Variants in FAM20B observed in about 807,000 individuals in gnomAD.
FAM20B encodes FAM20B glycosaminoglycan xylosylkinase, also known as glycosaminoglycan xylosylkinase.
Under a neutral mutation model 43.8 loss-of-function variants are expected in FAM20B, and 23 were observed. That is an observed-to-expected ratio of 0.53 (90% CI 0.38 to 0.74). The LOEUF (loss-of-function observed/expected upper bound fraction) is 0.74, where lower values mean the gene tolerates loss of function less well. Among genes scored for constraint, FAM20B ranks in the 30% least tolerant of loss-of-function variants. The pLI, the probability that FAM20B is intolerant of heterozygous loss-of-function variation, is 0.00. For missense variants in FAM20B, 440 were observed against 510.5 expected, an observed-to-expected ratio of 0.86 and a Z score of 1.33; for synonymous variants, 178 against 192.4, an observed-to-expected ratio of 0.93 and a Z score of 0.62.
chr1:179,061,807 C>T (rs7517000), intron 4 of FAM20B, among the ~76,000 whole-genome samples: 70,887 of 151,914 alleles, frequency 0.47, 16,962 homozygotes, highest in African/African-American at 0.55. Context: ...CATTCATGTG[C>T]TTATTTATAT....
chr1:179,062,909 T>C (rs926134739), intron 4 of FAM20B, among the ~76,000 whole-genome samples: 1 of 152,146 alleles, frequency 6.6e-6, no homozygotes, highest in South Asian at 2.1e-4. Context: ...ATGACCTCTT[T>C]TGCCCTCCCC....
intron 2 of FAM20B, among the ~76,000 whole-genome samples, chr1:179,046,555 G>A (rs373075994): frequency 2.3e-4 from 35 of 152,270 alleles, no homozygotes; most frequent in African/African-American, 7.5e-4. Context: ...AGGAGTCTGA[G>A]GCAGGAGAAT....
At chr1:179,021,135 G>A (rs1297124580), upstream of FAM20B, among the ~76,000 whole-genome samples, 2 of 152,186 alleles carry the variant, frequency 1.3e-5, no homozygotes, top group Admixed American at 1.3e-4. Context: ...CCCTCGGCCA[G>A]CCATGAGAAA....
Position 179,050,375 on chromosome 1 carries a change from A to T in FAM20B, c.464+10A>T. On this transcript the variant is annotated intron_variant, in intron 3 of 7. Coordinates refer to ENST00000263733, the MANE Select transcript of FAM20B (RefSeq NM_014864.4). ...CCTTTCACTTGGACAGGTGCGTATG[A>T]TCACAGCAGCTTATGTTCATTTTGT... is the stretch of plus-strand genomic sequence containing the variant. 1.2e-6 allele frequency: 2 copies of T among 1,604,376 alleles called. No homozygotes were observed. The highest frequency in any genetic ancestry group is 1.7e-6 in the Non-Finnish European group (2 of 1,171,152).
At chr1:179,039,562 T>C (rs1650392880) in intron 1 of FAM20B, among the ~76,000 whole-genome samples, 1 of 152,128 alleles carries the variant, frequency 6.6e-6, no homozygotes, top group East Asian at 1.9e-4. Flanking sequence ...TTATCCATGG[T>C]TTGCAGGTAT....
In FAM20B at chr1:179,055,668, A is replaced by C. The variant is rs189946494; in HGVS notation, c.574+1030A>C. ...TTGAGGGAAAGAGTCCAAGAAGAAGAAGCCAGGGTACCTGCTCTTCAAAGG... is the reference window on the plus strand; with the variant it reads ...TTGAGGGAAAGAGTCCAAGAAGAAGCAGCCAGGGTACCTGCTCTTCAAAGG... On this transcript the variant is annotated intron_variant, in intron 4 of 7. Transcript: ENST00000263733. Among the ~76,000 whole-genome samples the C allele has an allele frequency of 3.7e-4, 57 of 152,198 alleles. No individual in the cohort carries two copies. In the South Asian group the frequency reaches 4.4e-3, roughly 12 times the overall value.
intron 1 of FAM20B, 47 bp downstream of exon 1, chr1:179,026,145 C>T (rs1649760226): frequency 6.8e-6 from 1 of 146,094 alleles, no homozygotes. Context: ...CCGCCCCCGG[C>T]GCGGCGGGCG....
chr1:179,049,433 T>G (rs932624003), intron 2 of FAM20B, among the ~76,000 whole-genome samples: 1 of 152,232 alleles, frequency 6.6e-6, no homozygotes, highest in African/African-American at 2.4e-5. Context: ...AACAACTTTT[T>G]TCAAAAGCGC....
chr1:179,025,643 G>C (rs985576886), upstream of FAM20B, among the ~76,000 whole-genome samples: 5 of 152,284 alleles, frequency 3.3e-5, no homozygotes, highest in African/African-American at 9.6e-5. Context: ...CGAAGGAAGT[G>C]AGAAGTGAGA....
At chr1:179,031,581 A>G (rs778861141) in intron 1 of FAM20B, among the ~76,000 whole-genome samples, 6 of 152,200 alleles carry the variant, frequency 3.9e-5, no homozygotes, top group African/African-American at 7.2e-5. Flanking sequence ...AATGCCTGGT[A>G]ATGGTTTTAG....
At chr1:179,069,835 G>A (rs908035448) in intron 7 of FAM20B, among the ~76,000 whole-genome samples, 13 of 152,164 alleles carry the variant, frequency 8.5e-5, no homozygotes, top group Admixed American at 4.6e-4. Flanking sequence ...CATGCTTTAT[G>A]CAGCAGTCTT....
At chr1:179,040,984 C>T (rs140145237) in intron 1 of FAM20B, among the ~76,000 whole-genome samples, 2 of 142,730 alleles carry the variant, frequency 1.4e-5, no homozygotes, top group African/African-American at 2.7e-5. Flanking sequence ...ACGGGGCCGG[C>T]GGGCAGAGGC....
At chr1:179,040,650 T>TAGCCG in intron 1 of FAM20B, among the ~76,000 whole-genome samples, 1 of 105,928 alleles carries the variant, frequency 9.4e-6, no homozygotes, top group African/African-American at 4.2e-5. Context: ...ACGGGGCGGC[T>TAGCCG]GGCCGGGCGC....
At chr1:179,069,340 G>A (rs1009342475) in intron 7 of FAM20B, among the ~76,000 whole-genome samples, 3 of 152,146 alleles carry the variant, frequency 2.0e-5, no homozygotes, top group African/African-American at 4.8e-5. Context: ...AATCCCATCC[G>A]TCGTAGCAGA....
chr1:179,050,367 T>C lies in FAM20B; in HGVS notation c.464+2T>C. ...GGTAGCAGCCTTTCACTTGGACAGG[T>C]GCGTATGATCACAGCAGCTTATGTT... On this transcript the variant is annotated splice_donor_variant, in intron 3 of 7. Coordinates refer to ENST00000263733, the MANE Select transcript of FAM20B (RefSeq NM_014864.4). LOFTEE classifies it high-confidence loss of function. The C allele has an allele frequency of 6.2e-7, 1 of 1,610,592 alleles. No homozygotes were observed. Among genetic ancestry groups the C allele is most frequent in the Non-Finnish European group, 8.5e-7 (1 of 1,176,782 alleles).
At chr1:179,069,370 T>G (rs1019505720) in intron 7 of FAM20B, among the ~76,000 whole-genome samples, 4 of 152,056 alleles carry the variant, frequency 2.6e-5, no homozygotes, top group African/African-American at 9.7e-5. Context: ...GTTTTTGTTT[T>G]TGTTTTGTTT....
At chr1:179,065,088 G>A (rs1480728903) in intron 6 of FAM20B, among the ~76,000 whole-genome samples, 1 of 151,728 alleles carries the variant, frequency 6.6e-6, no homozygotes, top group East Asian at 1.9e-4. Context: ...TATTTGGAGA[G>A]CACATTGTAT....
In FAM20B at chr1:179,064,405, T is replaced by A; in HGVS notation, c.847T>A (p.Tyr283Asn). Reference protein sequence around the residue: ...LDIIDTAVFDYLIGNADRHHY... With the variant: ...LDIIDTAVFDNLIGNADRHHY... ...CATCATTGACACAGCTGTCTTTGAT[T>A]ACCTGATTGGCAATGCTGACCGCCA... The change falls in exon 6 of 8, where the codon TAC becomes AAC. Residue 283 changes from tyrosine (Y) to asparagine (N), a missense_variant. Transcript: ENST00000263733. 1 of 1,614,178 alleles carries A rather than the reference T, an allele frequency of 6.2e-7. No homozygotes were observed. The highest frequency in any genetic ancestry group is 8.5e-7 in the Non-Finnish European group (1 of 1,179,998).
intron 4 of FAM20B, among the ~76,000 whole-genome samples, chr1:179,063,285 AT>A (rs1439927590): frequency 1.3e-5 from 2 of 152,040 alleles, no homozygotes; most frequent in Non-Finnish European, 2.9e-5. Flanking sequence ...TCAAAAAAAA[AT>A]AAAATAGTGA....
Sources: allele counts gnomAD v4.1 joint callset (sites outside exome capture counted in the v4.1 genomes callset), GRCh38; gene constraint gnomAD v4.1.1; transcripts MANE v1.5; gene names NCBI Gene and HGNC (gene_info 2026-07-23, HGNC 2026-07-21).